The following FTO variants were observed in gnomAD, a reference collection of about 807,000 sequenced individuals.
The protein encoded by FTO is alpha-ketoglutarate-dependent dioxygenase FTO.
In FTO, 47 loss-of-function variants were observed where a neutral mutation model predicts 63.9. The observed-to-expected ratio is 0.74, with a 90% CI of 0.58 to 0.94. The LOEUF (loss-of-function observed/expected upper bound fraction) is 0.94, where lower values mean the gene tolerates loss of function less well. Among genes scored for constraint, FTO ranks in the 40% least tolerant of loss-of-function variants. The pLI, the probability that FTO is intolerant of heterozygous loss-of-function variation, is 0.00. For missense variants in FTO, 562 were observed against 618.1 expected (o/e 0.91, Z 0.96); for synonymous variants, 207 against 224.4 (o/e 0.92, Z 0.69).
chr16:53,733,616 A>T (rs934722839), intron 1 of FTO, among the ~76,000 whole-genome samples: 2 of 152,192 alleles, frequency 1.3e-5, no homozygotes, highest in Non-Finnish European at 2.9e-5. Flanking sequence ...AGTTATTTTG[A>T]GATGGTCGAT....
At position 53,878,895 on chromosome 16, in the gene FTO, A is replaced by C. The variant is rs960440717; in HGVS notation, c.976-949A>C. Among the ~76,000 whole-genome samples the C allele has an allele frequency of 2.6e-5, 4 of 152,254 alleles. No homozygotes were observed. In the South Asian group the frequency reaches 8.3e-4, roughly 32 times the overall value. ...TGAATGTGCCTTGAGGGCTTAAGCC[A>C]AATATTCTCCATTATTTGAAGAATC... On this transcript the variant is annotated intron_variant, in intron 5 of 8. Coordinates refer to ENST00000471389, the MANE Select transcript of FTO (RefSeq NM_001080432.3).
chr16:53,711,486 T>G (rs1461018920), intron 1 of FTO: 1 of 398,404 alleles, frequency 2.5e-6, no homozygotes, highest in Non-Finnish European at 4.4e-6. Flanking sequence ...AGTGGTGAGT[T>G]TTATCACGGG....
chr16:53,864,320 G>A (rs189404861), intron 4 of FTO, among the ~76,000 whole-genome samples: 2 of 152,162 alleles, frequency 1.3e-5, no homozygotes, highest in South Asian at 4.1e-4. Context: ...GGTAATGTAC[G>A]TGACAGCAAA....
At chr16:53,904,304 G>C (rs571232524) in intron 7 of FTO, among the ~76,000 whole-genome samples, 1 of 152,168 alleles carries the variant, frequency 6.6e-6, no homozygotes, top group Non-Finnish European at 1.5e-5. Context: ...GGTCATAGGA[G>C]TAGGGAGCAA....
At chr16:53,914,960 AC>A (rs1364420988) in intron 7 of FTO, among the ~76,000 whole-genome samples, 1 of 152,074 alleles carries the variant, frequency 6.6e-6, no homozygotes, top group Non-Finnish European at 1.5e-5. Flanking sequence ...ATTAATGTAT[AC>A]CCCAGCCATG....
intron 1 of FTO, among the ~76,000 whole-genome samples, chr16:53,770,803 C>T (rs920596577): frequency 1.3e-5 from 2 of 152,028 alleles, no homozygotes; most frequent in East Asian, 1.9e-4. Context: ...TGTTTGAAGG[C>T]GAGGCTTTGG....
intron 7 of FTO, among the ~76,000 whole-genome samples, chr16:53,933,035 G>T (rs2082317424): frequency 6.6e-6 from 1 of 152,148 alleles, no homozygotes; most frequent in East Asian, 1.9e-4. Flanking sequence ...CCAGACAAAG[G>T]GGATGAGGTA....
chr16:54,022,460 CCTT>C (rs1189550863), intron 8 of FTO, among the ~76,000 whole-genome samples: 1 of 152,022 alleles, frequency 6.6e-6, no homozygotes, highest in Non-Finnish European at 1.5e-5. Context: ...TGTCTCTTGA[CCTT>C]CTAATTACTT....
intron 8 of FTO, among the ~76,000 whole-genome samples, chr16:54,037,665 T>A (rs2084972392): frequency 6.6e-6 from 1 of 152,204 alleles, no homozygotes; most frequent in Non-Finnish European, 1.5e-5. Context: ...ATATTTATAG[T>A]CTCTCATTTA....
rs35983302 is a variant in FTO, at chr16:53,869,541, G to GTTT, written c.896-4232_896-4230dup. Among the ~76,000 whole-genome samples, 692 of 125,198 alleles carry GTTT rather than the reference G, an allele frequency of 5.5e-3. 8 individuals carry two copies. The highest frequency in any genetic ancestry group is 0.019 in the African/African-American group (642 of 33,032). 82.1% of individuals were successfully genotyped at this position (125,198 alleles called of 152,430 possible). ...CCTATTGCAGTTGTCCCATAGTTCT[G>GTTT]TTTTTTTTTTTTTTTCAGTCTTTTT... is the stretch of plus-strand genomic sequence containing the variant. On this transcript the variant is annotated intron_variant, in intron 4 of 8. Transcript: ENST00000471389.
chr16:54,027,374 AT>A lies in FTO; in HGVS notation c.1365-84385del, dbSNP rs577893197. On this transcript the variant is annotated intron_variant, in intron 8 of 8. Coordinates refer to ENST00000471389, the MANE Select transcript of FTO (RefSeq NM_001080432.3). ...TAAGGGAATGAGTAATACTGATTCG[AT>A]TTATCCTGAGTCATAGCTGTGTACT... Among the ~76,000 whole-genome samples the A allele has an allele frequency of 4.6e-3, 696 of 152,222 alleles. 6 individuals carry two copies. The highest frequency in any genetic ancestry group is 0.016 in the African/African-American group (648 of 41,520).
intron 8 of FTO, among the ~76,000 whole-genome samples, chr16:53,971,753 C>T (rs2083323371): frequency 6.6e-6 from 1 of 152,246 alleles, no homozygotes; most frequent in South Asian, 2.1e-4. Flanking sequence ...AGGGCCTAAG[C>T]AGGATCCCCT....
At chr16:53,945,152 G>A (rs367593921) in intron 8 of FTO, among the ~76,000 whole-genome samples, 23 of 152,298 alleles carry the variant, frequency 1.5e-4, no homozygotes, top group African/African-American at 5.1e-4. Context: ...GCATCTTCCA[G>A]CTCTCACAAG....
At chr16:54,101,551 A>G (rs1481701924) in intron 8 of FTO, among the ~76,000 whole-genome samples, 1 of 151,788 alleles carries the variant, frequency 6.6e-6, no homozygotes. Context: ...TATTTTCTTT[A>G]TTTAATCTTT....
At chr16:53,979,534 GC>G in intron 8 of FTO, 1 of 351,602 alleles carries the variant, frequency 2.8e-6, no homozygotes, top group Non-Finnish European at 4.9e-6. Context: ...TATGTTTATG[GC>G]TGTGTGTGTG....
intron 1 of FTO, among the ~76,000 whole-genome samples, chr16:53,708,954 A>G (rs2075698524): frequency 6.6e-6 from 1 of 152,210 alleles, no homozygotes; most frequent in Admixed American, 6.5e-5. Flanking sequence ...TGCAAACATT[A>G]TCTTCCATTC....
In FTO at chr16:53,704,206, G is replaced by A. The variant is rs778741837; in HGVS notation, c.22G>A (p.Glu8Lys). 3.6e-5 allele frequency: 56 copies of A among 1,551,398 alleles called. No individual in the cohort carries two copies. Among genetic ancestry groups the A allele is most frequent in the Non-Finnish European group, 4.5e-5 (52 of 1,146,842 alleles). Reference sequence around the variant, plus strand: ...CAGCATGAAGCGCACCCCGACTGCCGAGGAACGAGAGCGCGAAGCTAAGGT... The same window carrying A: ...CAGCATGAAGCGCACCCCGACTGCCAAGGAACGAGAGCGCGAAGCTAAGGT... The part of the protein sequence containing the change: MKRTPTA[E>K]EREREAKKLR... Residue 8 changes from glutamate to lysine, a missense_variant, in exon 1 of 9, where the codon GAG (glutamate) becomes AAG (lysine). By Grantham distance (56) the Glu-to-Lys change is moderately conservative (BLOSUM62 1). Transcript: ENST00000471389.
intron 8 of FTO, among the ~76,000 whole-genome samples, chr16:54,059,420 C>G (rs535561639): frequency 6.6e-6 from 1 of 152,260 alleles, no homozygotes; most frequent in East Asian, 1.9e-4. Context: ...ATAAAAATGT[C>G]ATATATCATC....
At chr16:53,758,474 T>C (rs542214504) in intron 1 of FTO, among the ~76,000 whole-genome samples, 1 of 152,278 alleles carries the variant, frequency 6.6e-6, no homozygotes, top group Admixed American at 6.5e-5. Context: ...TCAGGGAAGC[T>C]GACCAGCCCA....
Sources: allele counts gnomAD v4.1 joint callset (sites outside exome capture counted in the v4.1 genomes callset), GRCh38; gene constraint gnomAD v4.1.1; transcripts MANE v1.5; gene names NCBI Gene and HGNC (gene_info 2026-07-23, HGNC 2026-07-21).